RNF213: variants seen among roughly 807,000 people sequenced by gnomAD.
RNF213 encodes ring finger protein 213.
A neutral mutation model predicts 514.4 loss-of-function variants in RNF213; 341 were observed. That is an observed-to-expected ratio of 0.66 (90% CI 0.61 to 0.73). The LOEUF (loss-of-function observed/expected upper bound fraction) is 0.73, where lower values mean the gene tolerates loss of function less well. RNF213 is among the 30% of genes least tolerant of loss of function. The pLI, the probability that RNF213 is intolerant of heterozygous loss-of-function variation, is 0.00. For synonymous variants in RNF213, 2,655 were observed against 2,658.2 expected (o/e 1.00, Z 0.04); for missense variants, 5,767 against 6,615.6 (o/e 0.87, Z 4.45).
chr17:80,354,105 G>A lies in RNF213; in HGVS notation c.10665G>A (p.Thr3555=), dbSNP rs374178902. 6 of 1,613,988 alleles carry A rather than the reference G, an allele frequency of 3.7e-6. No homozygotes were observed. Among genetic ancestry groups the A allele is most frequent in the African/African-American group, 1.3e-5 (1 of 74,934 alleles). ...TCAGAGACCAGAACGAGAGCTGCAC[G>A]CGCAATATGCGGAGGGTGGTGCTCC... ...GMLRDQNESC[T]RNMRRVVLLL... The change falls in exon 35 of 68, where the codon ACG becomes ACA. Residue 3555 remains threonine, a synonymous_variant. Coordinates refer to ENST00000582970, the MANE Select transcript of RNF213 (RefSeq NM_001256071.3).
rs777161385 is a variant in RNF213, at chr17:80,345,362, A to G, written c.7027A>G (p.Arg2343Gly). The stretch of plus-strand genomic sequence containing the variant: ...TCACTTGACTGGGAAGGTCATCAAG[A>G]GAGACGTCATGACCAGGGACCTGTA... ...ISHLTGKVIK[R>G]DVMTRDLYQG... The change falls in exon 29 of 68, where the codon AGA (arginine) becomes GGA (glycine). Residue 2343 changes from arginine to glycine, a missense_variant. Transcript: ENST00000582970. The surrounding 1 kb of genome is among the most constrained non-coding windows in gnomAD (Gnocchi z 6.0). 2 of 1,614,112 alleles carry G rather than the reference A, an allele frequency of 1.2e-6. No homozygotes were observed. The highest frequency in any genetic ancestry group is 1.7e-6 in the Non-Finnish European group (2 of 1,180,036).
chr17:80,348,402 C>A, intron 29 of RNF213, 116 bp downstream of exon 29: 2 of 1,406,648 alleles, frequency 1.4e-6, no homozygotes, highest in Non-Finnish European at 2.0e-6. Context: ...CAGGGAGATG[C>A]TGAGACGCTG....
rs893627807 is a variant in RNF213, at chr17:80,377,988, C to G, written c.13545+192C>G. 1.3e-5 allele frequency among the ~76,000 whole-genome samples: 2 copies of G among 152,170 alleles called. No homozygotes were observed. The highest frequency in any genetic ancestry group is 2.9e-5 in the Non-Finnish European group (2 of 68,028). ...GGTTTCTAGCCCAGGGCTTCTCAGA[C>G]TCAGCACTGTGGACGTGGCTCTGCG... On this transcript the variant is annotated intron_variant, in intron 54 of 67. Transcript: ENST00000582970. The surrounding 1 kb of genome is among the most constrained non-coding windows in gnomAD (Gnocchi z 4.1).
chr17:80,302,108 T>C (rs1439446862), intron 11 of RNF213, among the ~76,000 whole-genome samples: 1 of 152,094 alleles, frequency 6.6e-6, no homozygotes, highest in Admixed American at 6.6e-5. Context: ...GAGAGTAGAA[T>C]AGTAGTTACG....
At chr17:80,332,693 A>C in intron 21 of RNF213, 62 bp downstream of exon 21, 2 of 1,439,060 alleles carry the variant, frequency 1.4e-6, no homozygotes, top group Non-Finnish European at 1.8e-6. Flanking sequence ...CCTCTTCAGG[A>C]GCCATGGGCT....
rs1231503507 is a variant in RNF213 at position 80,278,995 on chromosome 17, GC to G, written c.261+5594del. On this transcript the variant is annotated intron_variant, in intron 3 of 67. Transcript: ENST00000582970. ...CTGGCACGGCCACCTCGCACTTCCGGCCCTTGAGTCCCTGCCAGTCGAGGAA... is the reference window on the plus strand; with the variant it reads ...CTGGCACGGCCACCTCGCACTTCCGGCCTTGAGTCCCTGCCAGTCGAGGAA... The G allele has an allele frequency of 2.7e-6, 4 of 1,505,222 alleles. No individual in the cohort carries two copies. The African/African-American group carries it at 4.1e-5, about 16-fold the overall frequency. The allele number at this position is 1,505,222 out of a possible 1,614,324, so 93.2% of individuals were successfully genotyped here. A position where few individuals can be genotyped will look rare whatever the true frequency, so the allele number is the denominator to read the frequency against.
intron 3 of RNF213, among the ~76,000 whole-genome samples, chr17:80,286,081 AG>A (rs1471584731): frequency 6.6e-6 from 1 of 152,174 alleles, no homozygotes; most frequent in African/African-American, 2.4e-5. Context: ...GCTGGGAGTG[AG>A]TCTCCTCTGT....
At chr17:80,385,345 T>C (rs919634183) in intron 60 of RNF213, among the ~76,000 whole-genome samples, 174 bp downstream of exon 60, 4 of 152,118 alleles carry the variant, frequency 2.6e-5, no homozygotes, top group African/African-American at 9.7e-5. Context: ...ATTAGAAGCT[T>C]TCGCCACAGC....
Position 80,336,144 on chromosome 17 carries a change from C to G in RNF213, c.4310-17C>G. 6.5e-7 allele frequency: 1 copy of G among 1,534,644 alleles called. No homozygotes were observed. The highest frequency in any genetic ancestry group is 8.7e-7 in the Non-Finnish European group (1 of 1,144,672). ...GTGGAATAGTCCCACGCTGAACTCC[C>G]CTCTTCTCTTCCCCAGGCATCAATG... On this transcript the variant is annotated splice_polypyrimidine_tract_variant and intron_variant, in intron 22 of 67. Transcript: ENST00000582970.
chr17:80,334,379 C>G (rs141652600), intron 22 of RNF213, 109 bp downstream of exon 22: 1 of 1,207,494 alleles, frequency 8.3e-7, no homozygotes, highest in African/African-American at 1.5e-5. Context: ...CCAAGGACTA[C>G]GTAAAGGGCA....
intron 2 of RNF213, among the ~76,000 whole-genome samples, chr17:80,266,427 AG>A (rs112206282): frequency 0.085 from 12,944 of 151,634 alleles, 1,263 homozygotes; most frequent in African/African-American, 0.24. Flanking sequence ...AGAAAAGAAA[AG>A]GAAAAAAAAA....
intron 11 of RNF213, among the ~76,000 whole-genome samples, chr17:80,304,459 T>C (rs2045287162): frequency 6.6e-6 from 1 of 151,870 alleles, no homozygotes; most frequent in Middle Eastern, 3.2e-3. Context: ...GCTAACACAG[T>C]GAAACCCCAT....
At chr17:80,289,561 G>A in intron 5 of RNF213, 98 bp from the exon 6 acceptor site, 2 of 1,361,372 alleles carry the variant, frequency 1.5e-6, no homozygotes, top group Middle Eastern at 2.4e-4. Context: ...CTGCACTCCA[G>A]CCTTGGTAAT....
intron 31 of RNF213, among the ~76,000 whole-genome samples, chr17:80,351,204 T>G (rs1393517806): frequency 6.6e-6 from 1 of 152,224 alleles, no homozygotes; most frequent in African/African-American, 2.4e-5. Context: ...AAAGGTCCAC[T>G]GGGTACAGGG....
chr17:80,331,001 T>C (rs909351681), intron 20 of RNF213, among the ~76,000 whole-genome samples: 1 of 152,182 alleles, frequency 6.6e-6, no homozygotes, highest in Non-Finnish European at 1.5e-5. Context: ...GTATTTTTAG[T>C]GGAGATGGGA....
chr17:80,304,748 C>T (rs1002988065), intron 11 of RNF213, among the ~76,000 whole-genome samples: 1 of 152,254 alleles, frequency 6.6e-6, no homozygotes, highest in East Asian at 1.9e-4. Flanking sequence ...CATGTTAACT[C>T]CTTTTCAAGG....
At chr17:80,370,874 T>C (rs1156595319) in intron 46 of RNF213, among the ~76,000 whole-genome samples, 3 of 152,224 alleles carry the variant, frequency 2.0e-5, no homozygotes, top group Non-Finnish European at 4.4e-5. Context: ...ACAATGTTGG[T>C]TGGTGATGAT....
chr17:80,338,341 T>C (rs916703616), intron 25 of RNF213, among the ~76,000 whole-genome samples: 1 of 152,190 alleles, frequency 6.6e-6, no homozygotes, highest in African/African-American at 2.4e-5. Flanking sequence ...CCTCTCTCAC[T>C]CTGTAAATCA....
At chr17:80,374,831 TG>T in intron 50 of RNF213, 1 of 520,852 alleles carries the variant, frequency 1.9e-6, no homozygotes, top group Non-Finnish European at 3.5e-6. Flanking sequence ...TGTGTCTTGC[TG>T]ATCTGCCAAG....
Sources: allele counts gnomAD v4.1 joint callset (sites outside exome capture counted in the v4.1 genomes callset), GRCh38; gene constraint gnomAD v4.1.1; non-coding constraint Gnocchi (gnomAD v3.1); transcripts MANE v1.5; gene names NCBI Gene and HGNC (gene_info 2026-07-23, HGNC 2026-07-21).